The following EIF5B variants were observed in gnomAD, a reference collection of about 807,000 sequenced individuals.
EIF5B encodes the protein eIF-5B.
A neutral mutation model predicts 147.5 loss-of-function variants in EIF5B; 47 were observed. The ratio of observed to expected loss-of-function variants is 0.32; its 90% CI spans 0.25 to 0.41. The LOEUF (loss-of-function observed/expected upper bound fraction) is 0.41. Among genes scored for constraint, EIF5B ranks in the 10% least tolerant of loss-of-function variants. EIF5B has a pLI of 1.00. For synonymous variants in EIF5B, 455 were observed against 456.2 expected, an observed-to-expected ratio of 1.00 and a Z score of 0.03; for missense variants, 1,064 against 1,413.2, an observed-to-expected ratio of 0.75 and a Z score of 3.96.
intron 21 of EIF5B, 58 bp from the exon 22 acceptor site, chr2:99,396,702 T>G: frequency 6.5e-7 from 1 of 1,533,474 alleles, no homozygotes; most frequent in Non-Finnish European, 8.7e-7. Context: ...GCTGCAGTTT[T>G]TCTTTTTATG....
At chr2:99,360,606 A>G (rs761303617) in intron 3 of EIF5B, 57 bp downstream of exon 3, 19 of 1,555,144 alleles carry the variant, frequency 1.2e-5, no homozygotes, top group East Asian at 2.3e-5. Context: ...TTTCTTCTTA[A>G]TGTTGGTTTG....
In EIF5B at chr2:99,367,448, T is replaced by C. The variant is rs868578457; in HGVS notation, c.1289-1045T>C. ...TTGAAACTCTTTTTTTTTTTTTCTC[T>C]CTTTTTTTGAGACAGAGTTTCGCTA... On this transcript the variant is annotated intron_variant, in intron 6 of 23. Coordinates refer to ENST00000289371, the MANE Select transcript of EIF5B (RefSeq NM_015904.4). 1.4e-4 allele frequency among the ~76,000 whole-genome samples: 21 copies of C among 150,024 alleles called. No homozygotes were observed. In the South Asian group the frequency reaches 4.0e-3, roughly 29 times the overall value.
intron 1 of EIF5B, chr2:99,338,415 C>A (rs768356181): frequency 9.2e-5 from 101 of 1,099,598 alleles, no homozygotes; most frequent in Middle Eastern, 2.3e-4. Flanking sequence ...ACATCTGTTA[C>A]ATTACACGTT....
intron 1 of EIF5B, among the ~76,000 whole-genome samples, chr2:99,340,187 TG>T (rs2094256671): frequency 6.6e-6 from 1 of 152,158 alleles, no homozygotes; most frequent in African/African-American, 2.4e-5. Flanking sequence ...TATTGGGAGA[TG>T]GGGAATGGGA....
chr2:99,361,579 G>GAC lies in EIF5B; in HGVS notation c.680_681dup (p.Val228GlnfsTer27). The GAC allele has an allele frequency of 6.2e-7, 1 of 1,609,962 alleles. No homozygotes were observed. Among genetic ancestry groups the GAC allele is most frequent in the Non-Finnish European group, 8.5e-7 (1 of 1,179,194 alleles). On this transcript the variant is annotated frameshift_variant, in exon 4 of 24. Coordinates refer to ENST00000289371, the MANE Select transcript of EIF5B (RefSeq NM_015904.4). LOFTEE classifies it high-confidence loss of function. ...ATGATGACGCCTCCTTCAAAATTAAGACAGTGGCCCAAAAGAAGGCAGAAA... is the reference window on the plus strand; with the variant it reads ...ATGATGACGCCTCCTTCAAAATTAAGACACAGTGGCCCAAAAGAAGGCAGAAA...
Position 99,399,422 on chromosome 2 carries a change from A to T in EIF5B, c.*8A>T, listed in dbSNP as rs988666313. 1 of 1,612,824 alleles carries T rather than the reference A, an allele frequency of 6.2e-7. No individual in the cohort carries two copies. The highest frequency in any genetic ancestry group is 1.3e-5 in the African/African-American group (1 of 74,910). Reference sequence around the variant, plus strand: ...GTATTTGAAATCATCTAATTTTTTCACATGGAGCAGGAACTGGAGTAAATG... The same window carrying T: ...GTATTTGAAATCATCTAATTTTTTCTCATGGAGCAGGAACTGGAGTAAATG... On this transcript the variant is annotated 3_prime_UTR_variant, in exon 24 of 24. Coordinates refer to ENST00000289371, the MANE Select transcript of EIF5B (RefSeq NM_015904.4).
chr2:99,363,647 G>T lies in EIF5B; in HGVS notation c.922G>T (p.Asp308Tyr). ...TTTGCCTTTATTCTTTTTGGTAGAT[G>T]ACAATGAAGGAGACAAAAAGAAGAA... The part of the protein sequence containing the change: ...KAETPTAAED[D>Y]NEGDKKKKDK... The change falls in exon 5 of 24, where the codon GAC becomes TAC. Residue 308 changes from aspartate (D) to tyrosine (Y), a missense_variant and splice_region_variant. Asp to Tyr is a radical substitution (Grantham distance 160, BLOSUM62 -3). This residue lies in a region of EIF5B where 458 missense variants were observed against 451.3 expected (regional missense o/e 1.01). Transcript: ENST00000289371. 1 of 1,575,696 alleles carries T rather than the reference G, an allele frequency of 6.3e-7. No individual in the cohort carries two copies. Among genetic ancestry groups the T allele is most frequent in the South Asian group, 1.2e-5 (1 of 83,136 alleles).
At chr2:99,389,612 G>A in intron 14 of EIF5B, 106 bp from the exon 15 acceptor site, 2 of 961,356 alleles carry the variant, frequency 2.1e-6, no homozygotes, top group South Asian at 2.1e-5. Flanking sequence ...AAGTCACACT[G>A]TTCTGTATAT....
intron 14 of EIF5B, among the ~76,000 whole-genome samples, chr2:99,384,196 C>CAAAAAAGAAA (rs1674751513): frequency 1.7e-5 from 2 of 117,510 alleles, no homozygotes; most frequent in African/African-American, 3.6e-5. Flanking sequence ...GACTCCGTCT[C>CAAAAAAGAAA]AAAAAAAAAA....
chr2:99,340,091 A>C (rs923757810), intron 1 of EIF5B, among the ~76,000 whole-genome samples: 6 of 152,192 alleles, frequency 3.9e-5, no homozygotes, highest in Non-Finnish European at 7.3e-5. Flanking sequence ...AATGGCTTTC[A>C]GATTGTGTTT....
intron 12 of EIF5B, among the ~76,000 whole-genome samples, chr2:99,379,877 G>T (rs867968653): frequency 4.6e-5 from 7 of 152,104 alleles, no homozygotes; most frequent in African/African-American, 1.7e-4. Flanking sequence ...TAAAGAATCA[G>T]TATAATACAC....
At chr2:99,385,052 CT>C (rs970465394) in intron 14 of EIF5B, among the ~76,000 whole-genome samples, 42 of 147,042 alleles carry the variant, frequency 2.9e-4, no homozygotes, top group Admixed American at 6.1e-4. Flanking sequence ...AGATAAATTT[CT>C]TTTTTTTTTT....
rs1675169521 is a variant in EIF5B, at chr2:99,399,927, A to ATATT, written c.*515_*518dup. 1 of 153,322 alleles carries ATATT rather than the reference A, an allele frequency of 6.5e-6. No individual in the cohort carries two copies. Among genetic ancestry groups the ATATT allele is most frequent in the Non-Finnish European group, 1.5e-5 (1 of 68,538 alleles). The allele number at this position is 153,322 out of a possible 1,614,324, so 9.5% of individuals were successfully genotyped here. On this transcript the variant is annotated 3_prime_UTR_variant, in exon 24 of 24. Coordinates refer to ENST00000289371, the MANE Select transcript of EIF5B (RefSeq NM_015904.4). ...ATAAAATAGAAAATTAGGCATTCTG[A>ATATT]TATTTCTTTAGCTGCTTTGTGTGAA... is the stretch of plus-strand genomic sequence containing the variant.
Position 99,361,440 on chromosome 2 carries a change from T to A in EIF5B, c.539T>A (p.Ile180Lys), listed in dbSNP as rs768458418. The A allele has an allele frequency of 8.7e-6, 14 of 1,613,874 alleles. 1 individual carries two copies. In the South Asian group the frequency reaches 1.5e-4, roughly 18 times the overall value. Reference protein sequence around the residue: ...NSKKIKERSRINSSGESGDES... With the variant: ...NSKKIKERSRKNSSGESGDES... ...AAAAAAATTAAAGAGCGTTCAAGAATAAATTCTTCTGGTGAAAGTGGTGAT... is the reference window on the plus strand; with the variant it reads ...AAAAAAATTAAAGAGCGTTCAAGAAAAAATTCTTCTGGTGAAAGTGGTGAT... The change falls in exon 4 of 24, where the codon ATA becomes AAA. Residue 180 changes from isoleucine (I) to lysine (K), a missense_variant. By Grantham distance (102) the Ile-to-Lys change is moderately radical (BLOSUM62 -3). Coordinates refer to ENST00000289371, the MANE Select transcript of EIF5B (RefSeq NM_015904.4).
chr2:99,371,601 G>T lies in EIF5B; in HGVS notation c.1478-55G>T. 13 of 1,489,394 alleles carry T rather than the reference G, an allele frequency of 8.7e-6. No individual in the cohort carries two copies. In the South Asian group the frequency reaches 1.2e-4, roughly 13 times the overall value. 92.3% of individuals were successfully genotyped at this position (1,489,394 alleles called of 1,614,324 possible). Reference sequence around the variant, plus strand: ...CATAATTTTTTACTTTTTTCTAAAAGACCTTCATATTTCTAAATAATTTTT... The same window carrying T: ...CATAATTTTTTACTTTTTTCTAAAATACCTTCATATTTCTAAATAATTTTT... On this transcript the variant is annotated intron_variant, in intron 8 of 23. Coordinates refer to ENST00000289371, the MANE Select transcript of EIF5B (RefSeq NM_015904.4).
intron 23 of EIF5B, 174 bp downstream of exon 23, chr2:99,399,083 C>G (rs989043589): frequency 1.4e-5 from 12 of 841,724 alleles, no homozygotes; most frequent in Non-Finnish European, 1.8e-5. Flanking sequence ...GTTGCTCTAT[C>G]AGGAAAGCAG....
At chr2:99,356,258 T>G (rs1028156782) in intron 1 of EIF5B, among the ~76,000 whole-genome samples, 1 of 152,202 alleles carries the variant, frequency 6.6e-6, no homozygotes, top group Non-Finnish European at 1.5e-5. Context: ...GCTGTGTTTG[T>G]CAGATTTCTA....
In EIF5B at chr2:99,398,925, A is replaced by G. The variant is rs111488981; in HGVS notation, c.3555+16A>G. ...TGTTAGTAAGGTAAGTATTTCAGCAAAAGTGGCACACTTTAAGCAACAGGG... is the reference window on the plus strand; with the variant it reads ...TGTTAGTAAGGTAAGTATTTCAGCAGAAGTGGCACACTTTAAGCAACAGGG... On this transcript the variant is annotated intron_variant, in intron 23 of 23. Transcript: ENST00000289371. 10 of 1,610,030 alleles carry G rather than the reference A, an allele frequency of 6.2e-6. No individual in the cohort carries two copies. Among genetic ancestry groups the G allele is most frequent in the Admixed American group, 1.7e-5 (1 of 59,446 alleles).
In EIF5B at chr2:99,393,978, A is replaced by G. The variant is rs567408353; in HGVS notation, c.2881-289A>G. ...AACTTTAAAAAAATTTTTCTTCTCT[A>G]CTGTTTAATTCTGCCCACCCATCTA... On this transcript the variant is annotated intron_variant, in intron 18 of 23. Coordinates refer to ENST00000289371, the MANE Select transcript of EIF5B (RefSeq NM_015904.4). Among the ~76,000 whole-genome samples, 9 of 152,280 alleles carry G rather than the reference A, an allele frequency of 5.9e-5. No individual in the cohort carries two copies. The South Asian group carries it at 1.7e-3, about 28-fold the overall frequency.
Sources: gnomAD v4.1 joint callset for allele counts (sites outside exome capture counted in the v4.1 genomes callset) on GRCh38, gnomAD v4.1.1 for gene constraint, gnomAD v4.1.1 regional missense constraint, MANE v1.5 for transcripts, NCBI Gene and HGNC (gene_info 2026-07-23, HGNC 2026-07-21) for gene names.